Variants in PAPPA observed in about 807,000 individuals in gnomAD.
The protein encoded by PAPPA is pappalysin-1.
In PAPPA, 60 loss-of-function variants were observed where a neutral mutation model predicts 164.0. The ratio of observed to expected loss-of-function variants is 0.37; its 90% confidence interval spans 0.30 to 0.45. PAPPA has a LOEUF of 0.45. Ranked by LOEUF, PAPPA falls within the 20% of genes least tolerant of loss-of-function variation. The pLI is 1.00. For missense variants in PAPPA, 1,782 were observed against 2,087.3 expected, an observed-to-expected ratio of 0.85 and a Z score of 2.85; for synonymous variants, 875 against 814.1, an observed-to-expected ratio of 1.07 and a Z score of -1.27.
At chr9:116,296,594 T>G (rs1279404300) in intron 9 of PAPPA, among the ~76,000 whole-genome samples, 1 of 152,064 alleles carries the variant, frequency 6.6e-6, no homozygotes, top group Non-Finnish European at 1.5e-5. Flanking sequence ...GGAATGACAC[T>G]CAGCTAGGGT....
chr9:116,247,282 T>C (rs903222123), intron 7 of PAPPA, among the ~76,000 whole-genome samples: 3 of 152,220 alleles, frequency 2.0e-5, no homozygotes, highest in African/African-American at 4.8e-5. Context: ...GTTTCAACTC[T>C]ATTCAGGAGG....
intron 9 of PAPPA, among the ~76,000 whole-genome samples, chr9:116,288,445 C>CCTT (rs1845370794): frequency 2.9e-5 from 3 of 104,842 alleles, no homozygotes; most frequent in Non-Finnish European, 5.8e-5. Context: ...CTCCCTCCCT[C>CCTT]CCTTCCTTCC....
chr9:116,354,571 A>G (rs1315638088), intron 17 of PAPPA, among the ~76,000 whole-genome samples: 1 of 152,110 alleles, frequency 6.6e-6, no homozygotes, highest in Non-Finnish European at 1.5e-5. Flanking sequence ...TCCAGATACC[A>G]GGCACTGCCA....
chr9:116,379,539 T>TCATCCATCCATCCATCCATC (rs60827972), intron 20 of PAPPA, among the ~76,000 whole-genome samples: 3 of 149,792 alleles, frequency 2.0e-5, no homozygotes, highest in South Asian at 2.1e-4. Context: ...TTCTTGCCTG[T>TCATCCATCCATCCATCCATC]CATCCATCCA....
At chr9:116,269,270 A>G (rs1845110654) in intron 8 of PAPPA, among the ~76,000 whole-genome samples, 1 of 152,208 alleles carries the variant, frequency 6.6e-6, no homozygotes, top group African/African-American at 2.4e-5. Flanking sequence ...AAGCTTCCAC[A>G]TCTGGTAAGA....
At chr9:116,327,961 C>T (rs1340632599) in intron 10 of PAPPA, among the ~76,000 whole-genome samples, 5 of 152,144 alleles carry the variant, frequency 3.3e-5, no homozygotes, top group African/African-American at 9.7e-5. Context: ...CAACTTGAAA[C>T]AAACACAAAA....
intron 2 of PAPPA, among the ~76,000 whole-genome samples, chr9:116,205,529 T>C (rs1395101683): frequency 1.3e-5 from 2 of 152,192 alleles, no homozygotes; most frequent in African/African-American, 4.8e-5. Flanking sequence ...TCTCCTCCCA[T>C]GCATTGTTTC....
intron 10 of PAPPA, among the ~76,000 whole-genome samples, chr9:116,313,114 A>T (rs1310702310): frequency 1.3e-5 from 2 of 150,784 alleles, no homozygotes; most frequent in Non-Finnish European, 3.0e-5. Flanking sequence ...AACTCCAACC[A>T]TGATTTTCTT....
At chr9:116,289,446 G>A (rs1194234326) in intron 9 of PAPPA, among the ~76,000 whole-genome samples, 3 of 146,242 alleles carry the variant, frequency 2.1e-5, no homozygotes, top group Non-Finnish European at 4.5e-5. Flanking sequence ...ACTTTCATTT[G>A]CATGCATTGT....
Position 116,207,580 on chromosome 9 carries a change from A to G in PAPPA, c.1603A>G (p.Lys535Glu). Residue 535 changes from lysine to glutamate, a missense_variant, in exon 3 of 22, where the codon AAG (lysine) becomes GAG (glutamate). Around this residue, in one of 2 missense-constraint regions of PAPPA, gnomAD observed 1,324 missense variants for 1,656.9 expected, o/e 0.80. Coordinates refer to ENST00000328252, the MANE Select transcript of PAPPA (RefSeq NM_002581.5). ...AGGAGTAGCAACTTGGCCATGGGAC[A>G]AGGAGGCCCTGATGCACTTAGGTGA... ...LAGVATWPWDKEALMHLGGIV... is the reference protein window; with the variant it reads ...LAGVATWPWDEEALMHLGGIV... 1 of 1,613,600 alleles carries G rather than the reference A, an allele frequency of 6.2e-7. No homozygotes were observed. Among genetic ancestry groups the G allele is most frequent in the Non-Finnish European group, 8.5e-7 (1 of 1,179,666 alleles).
chr9:116,281,276 C>A (rs147574681), intron 9 of PAPPA, among the ~76,000 whole-genome samples: 91 of 152,130 alleles, frequency 6.0e-4, no homozygotes, highest in African/African-American at 1.8e-3. Flanking sequence ...AAAAGTATAG[C>A]CAGTTGGGCA....
chr9:116,281,723 G>A (rs1191275875), intron 9 of PAPPA, among the ~76,000 whole-genome samples: 1 of 152,144 alleles, frequency 6.6e-6, no homozygotes, highest in African/African-American at 2.4e-5. Context: ...AAATGTTTAA[G>A]TGACTTTTGA....
chr9:116,229,021 G>A (rs1357492418), intron 6 of PAPPA, among the ~76,000 whole-genome samples: 1 of 152,126 alleles, frequency 6.6e-6, no homozygotes, highest in Admixed American at 6.5e-5. Context: ...GCAGTGCTGA[G>A]TGTCTGCTAG....
At chr9:116,371,702 T>A (rs1026740237) in intron 19 of PAPPA, among the ~76,000 whole-genome samples, 11 of 152,130 alleles carry the variant, frequency 7.2e-5, no homozygotes, top group African/African-American at 2.4e-4. Context: ...CTCAGCCTCC[T>A]TCTTTTTTAT....
intron 10 of PAPPA, among the ~76,000 whole-genome samples, chr9:116,325,548 G>A (rs1845910126): frequency 6.6e-6 from 1 of 152,176 alleles, no homozygotes; most frequent in Non-Finnish European, 1.5e-5. Flanking sequence ...TAGTCTAAGG[G>A]ATTCTGCTAA....
chr9:116,310,596 C>T (rs1845704447), intron 10 of PAPPA, among the ~76,000 whole-genome samples: 1 of 152,160 alleles, frequency 6.6e-6, no homozygotes, highest in Non-Finnish European at 1.5e-5. Flanking sequence ...TTTAAATCTA[C>T]TGAATCTTAT....
intron 9 of PAPPA, 39 bp from the exon 10 acceptor site, chr9:116,302,718 T>C (rs1257232593): frequency 6.5e-7 from 1 of 1,532,574 alleles, no homozygotes; most frequent in Non-Finnish European, 9.0e-7. Flanking sequence ...AGAACAAATA[T>C]TTATTTATTC....
intron 10 of PAPPA, among the ~76,000 whole-genome samples, chr9:116,319,032 C>T (rs1030081260): frequency 6.6e-6 from 1 of 152,222 alleles, no homozygotes; most frequent in Non-Finnish European, 1.5e-5. Context: ...ACCCCAAAGC[C>T]TTGGCCTCCA....
intron 11 of PAPPA, 21 bp downstream of exon 11, chr9:116,331,378 C>T: frequency 7.2e-7 from 1 of 1,397,144 alleles, no homozygotes; most frequent in Non-Finnish European, 1.0e-6. Context: ...GCTCTGAGAG[C>T]TTTGGAATCT....
Sources: allele counts gnomAD v4.1 joint callset (sites outside exome capture counted in the v4.1 genomes callset), GRCh38; gene constraint gnomAD v4.1.1; regional missense constraint gnomAD v4.1.1; transcripts MANE v1.5; gene names NCBI Gene and HGNC (gene_info 2026-07-23, HGNC 2026-07-21).